ADCY3: variants seen among roughly 807,000 people sequenced by gnomAD.
ADCY3 encodes adenylate cyclase type 3.
ADCY3 carries 70 observed loss-of-function variants against 119.4 expected under a neutral mutation model. That is an observed-to-expected ratio of 0.59 (90% CI 0.48 to 0.72). ADCY3 has a LOEUF of 0.72. ADCY3 is among the 30% of genes least tolerant of loss of function. The probability of loss-of-function intolerance (pLI) is 0.00; values close to 1 mark genes in which losing one functional copy is unlikely to be tolerated. For synonymous variants in ADCY3, 672 were observed against 621.4 expected (o/e 1.08, Z -1.21); for missense variants, 1,238 against 1,541.6 (o/e 0.80, Z 3.30).
chr2:24,822,004 AC>A (rs1474367042), intron 19 of ADCY3: 5 of 238,432 alleles, frequency 2.1e-5, no homozygotes, highest in African/African-American at 1.1e-4. Context: ...CCCGCCTTGG[AC>A]GTGTTTCTTT....
chr2:24,824,989 T>C (rs759939182), intron 16 of ADCY3, among the ~76,000 whole-genome samples: 3 of 152,170 alleles, frequency 2.0e-5, no homozygotes, highest in African/African-American at 7.2e-5. Context: ...CCTGCAAAGA[T>C]TGCACCTCAT....
chr2:24,880,299 G>T (rs1022822703), intron 2 of ADCY3, among the ~76,000 whole-genome samples: 1 of 152,220 alleles, frequency 6.6e-6, no homozygotes, highest in African/African-American at 2.4e-5. Flanking sequence ...ACTGCCAGGG[G>T]TGCCACTACA....
chr2:24,863,790 T>A (rs1673968110), intron 3 of ADCY3, among the ~76,000 whole-genome samples: 1 of 152,240 alleles, frequency 6.6e-6, no homozygotes, highest in African/African-American at 2.4e-5. Flanking sequence ...TGTCTGTGGC[T>A]TGAGCCAAAT....
Position 24,831,758 on chromosome 2 carries a change from G to A in ADCY3, c.1968-9C>T. 1 of 1,543,190 alleles carries A rather than the reference G, an allele frequency of 6.5e-7. No individual in the cohort carries two copies. The highest frequency in any genetic ancestry group is 8.8e-7 in the Non-Finnish European group (1 of 1,134,022). ...CATAGTTTGTCATTAGCCTGTGACAGAGAGAAGACAATTGGGAGAGGCCAG... is the reference window on the plus strand; with the variant it reads ...CATAGTTTGTCATTAGCCTGTGACAAAGAGAAGACAATTGGGAGAGGCCAG... On this transcript the variant is annotated splice_polypyrimidine_tract_variant and intron_variant, in intron 11 of 21. Coordinates refer to ENST00000679454, the MANE Select transcript of ADCY3 (RefSeq NM_004036.5).
At chr2:24,846,250 A>C (rs1166864638) in intron 3 of ADCY3, among the ~76,000 whole-genome samples, 1 of 152,186 alleles carries the variant, frequency 6.6e-6, no homozygotes, top group Non-Finnish European at 1.5e-5. Context: ...ACACCTTGGC[A>C]CCATGCACCT....
At chr2:24,821,803 T>C in intron 19 of ADCY3, 163 bp from the exon 20 acceptor site, 1 of 1,040,942 alleles carries the variant, frequency 9.6e-7, no homozygotes, top group Non-Finnish European at 1.4e-6. Flanking sequence ...AGCTCTGACT[T>C]GCCACTGTGA....
intron 11 of ADCY3, among the ~76,000 whole-genome samples, chr2:24,832,814 C>T (rs1395238339): frequency 2.0e-5 from 3 of 152,174 alleles, no homozygotes; most frequent in Admixed American, 6.5e-5. Context: ...GTGGGCACTG[C>T]AAACTTCACG....
intron 2 of ADCY3, among the ~76,000 whole-genome samples, chr2:24,888,841 T>C (rs1420823563): frequency 6.6e-6 from 1 of 152,184 alleles, no homozygotes; most frequent in Non-Finnish European, 1.5e-5. Context: ...AGACCCCGTC[T>C]CTACTGAAAA....
intron 3 of ADCY3, among the ~76,000 whole-genome samples, chr2:24,845,523 T>C (rs540890156): frequency 2.6e-5 from 4 of 152,334 alleles, no homozygotes; most frequent in African/African-American, 9.6e-5. Flanking sequence ...TTAGGGTATC[T>C]GATGGAAGAA....
chr2:24,895,471 C>G (rs1025393987), intron 2 of ADCY3, among the ~76,000 whole-genome samples: 1 of 152,070 alleles, frequency 6.6e-6, no homozygotes, highest in Non-Finnish European at 1.5e-5. Flanking sequence ...CAAATTTGGA[C>G]GTTTTCCCAC....
At chr2:24,883,531 G>A (rs978496063) in intron 2 of ADCY3, among the ~76,000 whole-genome samples, 3 of 152,156 alleles carry the variant, frequency 2.0e-5, no homozygotes, top group African/African-American at 7.2e-5. Flanking sequence ...TATAGATTCT[G>A]GACGATAAAG....
intron 3 of ADCY3, among the ~76,000 whole-genome samples, chr2:24,846,833 C>A (rs1671712411): frequency 6.6e-6 from 1 of 152,202 alleles, no homozygotes; most frequent in South Asian, 2.1e-4. Flanking sequence ...CTCGCCTCAG[C>A]CTCCCAAAGT....
chr2:24,834,360 G>C lies in ADCY3; in HGVS notation c.1967+125C>G, dbSNP rs745891003. The C allele has an allele frequency of 1.7e-6, 2 of 1,201,306 alleles. No individual in the cohort carries two copies. Among genetic ancestry groups the C allele is most frequent in the East Asian group, 2.6e-5 (1 of 39,088 alleles). The allele number at this position is 1,201,306 out of a possible 1,614,324, so 74.4% of individuals were successfully genotyped here. ...GGGCCTGTGGGGGCCGTCCCAGTGG[G>C]GGTCAGGGAGCAGAGACTGGCTTGC... On this transcript the variant is annotated intron_variant, in intron 11 of 21. Coordinates refer to ENST00000679454, the MANE Select transcript of ADCY3 (RefSeq NM_004036.5). The surrounding 1 kb of genome is among the most constrained non-coding windows in gnomAD (Gnocchi z 4.2).
chr2:24,826,185 G>GA, intron 15 of ADCY3, 59 bp from the exon 16 acceptor site: 15 of 1,475,092 alleles, frequency 1.0e-5, no homozygotes, highest in Non-Finnish European at 1.4e-5. Context: ...GAGGGGGCCT[G>GA]ATTCCCTCCA....
chr2:24,843,447 G>A (rs1671286059), intron 3 of ADCY3, among the ~76,000 whole-genome samples: 1 of 152,198 alleles, frequency 6.6e-6, no homozygotes, highest in Non-Finnish European at 1.5e-5. Flanking sequence ...TGCCCAAGCT[G>A]GTCTTGGACT....
At chr2:24,826,363 A>C in intron 15 of ADCY3, 2 of 503,762 alleles carry the variant, frequency 4.0e-6, no homozygotes, top group Non-Finnish European at 3.6e-6. Context: ...CCTGGTATTC[A>C]CATCAGGGCT....
intron 2 of ADCY3, among the ~76,000 whole-genome samples, chr2:24,894,989 G>A (rs562197444): frequency 6.6e-6 from 1 of 151,848 alleles, no homozygotes; most frequent in Non-Finnish European, 1.5e-5. Flanking sequence ...TCTCTATGTC[G>A]TGTGTCTTTT....
rs756793005 is a variant in ADCY3 at position 24,822,637 on chromosome 2, C to T, written c.2884-7G>A. ...ACTTGGGATTGTCCAGGAGCTGAGG[C>T]CAGGATTCAGGAAAGAATTGTCAGC... is the stretch of plus-strand genomic sequence containing the variant. On this transcript the variant is annotated splice_polypyrimidine_tract_variant and splice_region_variant and intron_variant, in intron 18 of 21. Transcript: ENST00000679454. The T allele has an allele frequency of 6.2e-7, 1 of 1,613,388 alleles. No homozygotes were observed. Among genetic ancestry groups the T allele is most frequent in the Non-Finnish European group, 8.5e-7 (1 of 1,179,502 alleles).
chr2:24,833,977 C>T (rs929924151), intron 11 of ADCY3, among the ~76,000 whole-genome samples: 5 of 152,246 alleles, frequency 3.3e-5, no homozygotes, highest in East Asian at 1.9e-4. Flanking sequence ...AGAGAGTGGT[C>T]GTCACCCTCA....
Sources: gnomAD v4.1 joint callset for allele counts (sites outside exome capture counted in the v4.1 genomes callset) on GRCh38, gnomAD v4.1.1 for gene constraint, Gnocchi (gnomAD v3.1) non-coding constraint, MANE v1.5 for transcripts, NCBI Gene and HGNC (gene_info 2026-07-23, HGNC 2026-07-21) for gene names.